The following HCRT variants were observed in gnomAD, a reference collection of about 807,000 sequenced individuals.
HCRT encodes hypocretin neuropeptide precursor.
Under a neutral mutation model 5.7 loss-of-function variants are expected in HCRT, and 5 were observed. That is an observed-to-expected ratio of 0.87 (90% CI 0.45 to 1.83). The LOEUF is 1.83. Ranked by LOEUF, HCRT falls within the 40% of genes most tolerant of loss-of-function variation. The pLI is 0.02. For synonymous variants in HCRT, 114 were observed against 99.0 expected (o/e 1.15, Z -0.90); for missense variants, 207 against 191.8 (o/e 1.08, Z -0.47).
At chr17:42,184,837 ACAGGAGTGTCTGTCTG>A (rs1462635333) in intron 1 of HCRT, among the ~76,000 whole-genome samples, 1 of 152,102 alleles carries the variant, frequency 6.6e-6, no homozygotes, top group Non-Finnish European at 1.5e-5. Flanking sequence ...CCACCTGAAA[ACAGGAGTGTCTGTCTG>A]CAGCAGAAGT....
rs750880632 is a variant in HCRT, at chr17:42,184,388, G to A, written c.162C>T (p.His54=). The A allele has an allele frequency of 3.2e-5, 51 of 1,600,416 alleles. No homozygotes were observed. In the Middle Eastern group the frequency reaches 9.9e-4, roughly 31 times the overall value. ...TGCCGGCCGCGTGATTGCCCGCGCCGTGCAGCAGCTCGTAGAGGCGGCAAG... is the reference window on the plus strand; with the variant it reads ...TGCCGGCCGCGTGATTGCCCGCGCCATGCAGCAGCTCGTAGAGGCGGCAAG... ...TCSCRLYELL[H]GAGNHAAGIL... is the part of the protein sequence containing the mutation. Residue 54 remains histidine, a synonymous_variant, in exon 2 of 2, where the codon CAC becomes CAT. Transcript: ENST00000293330.
Position 42,184,221 on chromosome 17 carries a change from C to G in HCRT, c.329G>C (p.Cys110Ser). 7.6e-7 allele frequency: 1 copy of G among 1,317,674 alleles called. No homozygotes were observed. Among genetic ancestry groups the G allele is most frequent in the Non-Finnish European group, 9.6e-7 (1 of 1,037,264 alleles). 81.6% of individuals were successfully genotyped at this position (1,317,674 alleles called of 1,614,324 possible). The change falls in exon 2 of 2, where the codon TGC becomes TCC. Residue 110 changes from cysteine (C) to serine (S), a missense_variant. Coordinates refer to ENST00000293330, the MANE Select transcript of HCRT (RefSeq NM_001524.1). ...RAGAEPAPRPCLGRRCSAPAA... is the reference protein window; with the variant it reads ...RAGAEPAPRPSLGRRCSAPAA... The stretch of plus-strand genomic sequence containing the variant: ...CGGGGCGGAACAGCGGCGCCCGAGG[C>G]AGGGGCGCGGCGCTGGCTCTGCGCC...
chr17:42,184,755 C>T (rs1284783903), intron 1 of HCRT, among the ~76,000 whole-genome samples: 3 of 152,192 alleles, frequency 2.0e-5, no homozygotes, highest in Non-Finnish European at 4.4e-5. Context: ...TTTTGAGACC[C>T]CCTGGGCAGA....
At position 42,184,288 on chromosome 17, in the gene HCRT, C is replaced by A. The variant is rs768106966; in HGVS notation, c.262G>T (p.Gly88Cys). Reference sequence around the variant, plus strand: ...GTCAGGATGCCCGCGGCGTGGTTGCCGCTGGCCTGCAGGAGGCGCTGCAGC... The same window carrying A: ...GTCAGGATGCCCGCGGCGTGGTTGCAGCTGGCCTGCAGGAGGCGCTGCAGC... ...GRLQRLLQASGNHAAGILTMG... is the reference protein window; with the variant it reads ...GRLQRLLQASCNHAAGILTMG... Residue 88 changes from glycine to cysteine, a missense_variant, in exon 2 of 2, where the codon GGC becomes TGC. Gly to Cys is a radical substitution (Grantham distance 159). Coordinates refer to ENST00000293330, the MANE Select transcript of HCRT (RefSeq NM_001524.1). 6.1e-6 allele frequency: 9 copies of A among 1,483,050 alleles called. No homozygotes were observed. Among genetic ancestry groups the A allele is most frequent in the Middle Eastern group, 2.0e-4 (1 of 4,888 alleles). The allele number at this position is 1,483,050 out of a possible 1,614,324, so 91.9% of individuals were successfully genotyped here. A position where few individuals can be genotyped will look rare whatever the true frequency, so the allele number is the denominator to read the frequency against.
At chr17:42,185,226 G>A in intron 1 of HCRT, 119 bp downstream of exon 1, 1 of 956,114 alleles carries the variant, frequency 1.0e-6, no homozygotes, top group South Asian at 1.3e-5. Flanking sequence ...CTGCCTCAGA[G>A]CACACCCAGG....
chr17:42,184,228 G>C lies in HCRT; in HGVS notation c.322C>G (p.Arg108Gly). 7.6e-7 allele frequency: 1 copy of C among 1,318,070 alleles called. No individual in the cohort carries two copies. Among genetic ancestry groups the C allele is most frequent in the South Asian group, 2.3e-5 (1 of 43,998 alleles). The allele number at this position is 1,318,070 out of a possible 1,614,324, so 81.6% of individuals were successfully genotyped here. A position where few individuals can be genotyped will look rare whatever the true frequency, so the allele number is the denominator to read the frequency against. The change falls in exon 2 of 2, where the codon CGC becomes GGC. Residue 108 changes from arginine (R) to glycine (G), a missense_variant. By Grantham distance (125) the Arg-to-Gly change is moderately radical. Transcript: ENST00000293330. Reference sequence around the variant, plus strand: ...GAACAGCGGCGCCCGAGGCAGGGGCGCGGCGCTGGCTCTGCGCCTGCGCGG... The same window carrying C: ...GAACAGCGGCGCCCGAGGCAGGGGCCCGGCGCTGGCTCTGCGCCTGCGCGG... ...GRRAGAEPAP[R>G]PCLGRRCSAP...
rs941071614 is a variant in HCRT, at chr17:42,184,105, GGT to G, written c.*47_*48del. 4.0e-6 allele frequency: 5 copies of G among 1,249,526 alleles called. No individual in the cohort carries two copies. Among genetic ancestry groups the G allele is most frequent in the Non-Finnish European group, 5.0e-6 (5 of 993,282 alleles). 77.4% of individuals were successfully genotyped at this position (1,249,526 alleles called of 1,614,324 possible). A position where few individuals can be genotyped will look rare whatever the true frequency, so the allele number is the denominator to read the frequency against. ...GCCTTTTTTCTGGGGGCTGACGCTG[GGT>G]GGGCAGAGGGCAGAGGCCTGGGCCA... On this transcript the variant is annotated 3_prime_UTR_variant, in exon 2 of 2. Transcript: ENST00000293330.
chr17:42,184,443 A>G lies in HCRT; in HGVS notation c.107T>C (p.Leu36Pro). The G allele has an allele frequency of 6.3e-7, 1 of 1,597,754 alleles. No homozygotes were observed. The change falls in exon 2 of 2, where the codon CTG (leucine) becomes CCG (proline). Residue 36 changes from leucine (L) to proline (P), a missense_variant. Leu to Pro is a moderately conservative substitution (Grantham distance 98). Transcript: ENST00000293330. ...LLSSGAAAQP[L>P]PDCCRQKTCS... ...AGTCTTTTGACGACAGCAGTCGGGC[A>G]GGGGCTGTGCAGCCGCCCCGGACGA...
At chr17:42,185,245 A>G in intron 1 of HCRT, 100 bp downstream of exon 1, 1 of 1,153,104 alleles carries the variant, frequency 8.7e-7, no homozygotes, top group Non-Finnish European at 1.3e-6. Flanking sequence ...GGAAAAGACC[A>G]AGAGTGGAGA....
At position 42,184,547 on chromosome 17, in the gene HCRT, G is replaced by A. The variant is rs2079924382; in HGVS notation, c.22-19C>T. On this transcript the variant is annotated intron_variant, in intron 1 of 1. Transcript: ENST00000293330. ...AGGAGACCTAGGGAGACGGAGACAGGGCGCTGGGGGGGTCTTCCCACGGCG... is the reference window on the plus strand; with the variant it reads ...AGGAGACCTAGGGAGACGGAGACAGAGCGCTGGGGGGGTCTTCCCACGGCG... 1 of 1,504,766 alleles carries A rather than the reference G, an allele frequency of 6.6e-7. No homozygotes were observed. The highest frequency in any genetic ancestry group is 2.1e-5 in the Admixed American group (1 of 48,368). 93.2% of individuals were successfully genotyped at this position (1,504,766 alleles called of 1,614,324 possible).
In HCRT at chr17:42,184,197, G is replaced by C. The variant is rs1238630520; in HGVS notation, c.353C>G (p.Pro118Arg). 7.0e-6 allele frequency: 9 copies of C among 1,281,520 alleles called. No individual in the cohort carries two copies. Among genetic ancestry groups the C allele is most frequent in the Non-Finnish European group, 7.9e-6 (8 of 1,015,914 alleles). The allele number at this position is 1,281,520 out of a possible 1,614,324, so 79.4% of individuals were successfully genotyped here. A position where few individuals can be genotyped will look rare whatever the true frequency, so the allele number is the denominator to read the frequency against. The change falls in exon 2 of 2, where the codon CCG becomes CGG. Residue 118 changes from proline (P) to arginine (R), a missense_variant. Transcript: ENST00000293330. ...TCCGGGCGCGACGGAGGCGGCGGCC[G>C]GGGCGGAACAGCGGCGCCCGAGGCA... Reference protein sequence around the residue: ...RPCLGRRCSAPAAASVAPGGQ... With the variant: ...RPCLGRRCSARAAASVAPGGQ...
At position 42,184,333 on chromosome 17, in the gene HCRT, G is replaced by T. The variant is rs778354341; in HGVS notation, c.217C>A (p.Pro73Thr). Residue 73 changes from proline (P) to threonine (T), a missense_variant, in exon 2 of 2, where the codon CCC becomes ACC. Physicochemically the swap from Pro to Thr is conservative, Grantham distance 38 (BLOSUM62 -1). Coordinates refer to ENST00000293330, the MANE Select transcript of HCRT (RefSeq NM_001524.1). ...ILTLGKRRSG[P>T]PGLQGRLQRL... ...TGCAGCCGACCCTGGAGGCCCGGGG[G>T]CCCGGACCTCCGCTTGCCCAGCGTG... 1 of 1,562,268 alleles carries T rather than the reference G, an allele frequency of 6.4e-7. No individual in the cohort carries two copies. Among genetic ancestry groups the T allele is most frequent in the Non-Finnish European group, 8.6e-7 (1 of 1,160,158 alleles).
rs1419069589 is a variant in HCRT at position 42,185,337 on chromosome 17, A to G, written c.21+8T>C. The G allele has an allele frequency of 6.2e-7, 1 of 1,613,720 alleles. No individual in the cohort carries two copies. The highest frequency in any genetic ancestry group is 8.5e-7 in the Non-Finnish European group (1 of 1,179,714). On this transcript the variant is annotated splice_region_variant and intron_variant, in intron 1 of 1. Coordinates refer to ENST00000293330, the MANE Select transcript of HCRT (RefSeq NM_001524.1). ...TGGTGAGTCACCCCTCCATCCCTGG[A>G]TCTTTACCTTTGTGGAAGGAAGGTT...
rs2079921853 is a variant in HCRT, at chr17:42,184,186, A to AGGCGGCGGCCGG, written c.352_363dup (p.Pro118_Ala121dup). On this transcript the variant is annotated inframe_insertion, in exon 2 of 2. Transcript: ENST00000293330. ...CCGGACTGTCCTCCGGGCGCGACGG[A>AGGCGGCGGCCGG]GGCGGCGGCCGGGGCGGAACAGCGG... The AGGCGGCGGCCGG allele has an allele frequency of 1.6e-6, 2 of 1,282,684 alleles. No individual in the cohort carries two copies. Among genetic ancestry groups the AGGCGGCGGCCGG allele is most frequent in the South Asian group, 6.1e-5 (2 of 32,608 alleles). 79.5% of individuals were successfully genotyped at this position (1,282,684 alleles called of 1,614,324 possible).
At position 42,184,331 on chromosome 17, in the gene HCRT, G is replaced by C. The variant is rs2079922920; in HGVS notation, c.219C>G (p.Pro73=). ...ILTLGKRRSG[P]PGLQGRLQRL... is the part of the protein sequence containing the mutation. ...GCTGCAGCCGACCCTGGAGGCCCGG[G>C]GGCCCGGACCTCCGCTTGCCCAGCG... The change falls in exon 2 of 2, where the codon CCC becomes CCG. Residue 73 remains proline (P), a synonymous_variant. Coordinates refer to ENST00000293330, the MANE Select transcript of HCRT (RefSeq NM_001524.1). 2 of 1,558,940 alleles carry C rather than the reference G, an allele frequency of 1.3e-6. No homozygotes were observed. Among genetic ancestry groups the C allele is most frequent in the South Asian group, 1.2e-5 (1 of 85,914 alleles).
chr17:42,184,649 G>A lies in HCRT; in HGVS notation c.22-121C>T, dbSNP rs985601375. On this transcript the variant is annotated intron_variant, in intron 1 of 1. Transcript: ENST00000293330. ...TCCAAGCCTGCACTCCTTTCTGGCT[G>A]TCACTTAGTTCTCCTTGCTTTGCGC... 2.7e-5 allele frequency: 37 copies of A among 1,355,036 alleles called. No individual in the cohort carries two copies. In the African/African-American group the frequency reaches 5.0e-4, roughly 18 times the overall value. 83.9% of individuals were successfully genotyped at this position (1,355,036 alleles called of 1,614,324 possible).
At position 42,184,240 on chromosome 17, in the gene HCRT, C is replaced by G. The variant is rs2079922348; in HGVS notation, c.310G>C (p.Glu104Gln). ...CCGAGGCAGGGGCGCGGCGCTGGCT[C>G]TGCGCCTGCGCGGCGGCCCATGGTC... ...ILTMGRRAGA[E>Q]PAPRPCLGRR... Residue 104 changes from glutamate (E) to glutamine (Q), a missense_variant, in exon 2 of 2, where the codon GAG becomes CAG. Transcript: ENST00000293330. The G allele has an allele frequency of 3.0e-6, 4 of 1,349,140 alleles. No homozygotes were observed. Among genetic ancestry groups the G allele is most frequent in the African/African-American group, 1.5e-5 (1 of 64,906 alleles). 83.6% of individuals were successfully genotyped at this position (1,349,140 alleles called of 1,614,324 possible). A position where few individuals can be genotyped will look rare whatever the true frequency, so the allele number is the denominator to read the frequency against.
rs568070965 is a variant in HCRT, at chr17:42,185,420, A to G, written c.-55T>C. ...GGAAAGGAGATGTCTGTGGTGGTTC[A>G]AAAAGCCAGGAACCTTGAGGCTGTC... On this transcript the variant is annotated 5_prime_UTR_variant, in exon 1 of 2. Coordinates refer to ENST00000293330, the MANE Select transcript of HCRT (RefSeq NM_001524.1). 1.3e-6 allele frequency: 2 copies of G among 1,579,754 alleles called. No homozygotes were observed. The highest frequency in any genetic ancestry group is 2.2e-5 in the South Asian group (2 of 90,386).
At chr17:42,184,549 C>A (rs2079924392) in intron 1 of HCRT, 21 bp from the exon 2 acceptor site, 1 of 1,493,004 alleles carries the variant, frequency 6.7e-7, no homozygotes, top group Non-Finnish European at 8.9e-7. Context: ...GGAGACAGGG[C>A]GCTGGGGGGG....
Sources: allele counts gnomAD v4.1 joint callset (sites outside exome capture counted in the v4.1 genomes callset), GRCh38; gene constraint gnomAD v4.1.1; transcripts MANE v1.5; gene names NCBI Gene and HGNC (gene_info 2026-07-23, HGNC 2026-07-21).